Variants in FAM53B observed in about 807,000 individuals in gnomAD.
FAM53B encodes the protein protein FAM53B.
Under a neutral mutation model 32.7 loss-of-function variants are expected in FAM53B, and 12 were observed. That is an observed-to-expected ratio of 0.37 (90% CI 0.24 to 0.59). The LOEUF is 0.59. FAM53B is among the 20% of genes least tolerant of loss of function. FAM53B has a pLI of 0.72. For synonymous variants in FAM53B, 234 were observed against 228.7 expected (o/e 1.02, Z -0.21); for missense variants, 477 against 577.7 (o/e 0.83, Z 1.79).
intron 4 of FAM53B, among the ~76,000 whole-genome samples, chr10:124,664,321 G>C (rs1949654525): frequency 6.6e-6 from 1 of 152,192 alleles, no homozygotes; most frequent in Non-Finnish European, 1.5e-5. Flanking sequence ...CCCAGGCATG[G>C]GAAGTGGGCA....
At chr10:124,648,608 G>A (rs1474579754) in intron 4 of FAM53B, among the ~76,000 whole-genome samples, 2 of 152,272 alleles carry the variant, frequency 1.3e-5, no homozygotes, top group Non-Finnish European at 2.9e-5. Flanking sequence ...CAACAGCAGA[G>A]CCCTCCACCA....
chr10:124,677,724 A>G lies in FAM53B; in HGVS notation c.906+3883T>C, dbSNP rs1036137162. ...AAGACAATCTGAAAGCAATATCTAC[A>G]CCCCACCCTGTGTGTCTCATCCCCG... On this transcript the variant is annotated intron_variant, in intron 4 of 4. Transcript: ENST00000337318. Among the ~76,000 whole-genome samples, 30 of 151,760 alleles carry G rather than the reference A, an allele frequency of 2.0e-4. 1 individual carries two copies. The highest frequency in any genetic ancestry group is 6.5e-4 in the African/African-American group (27 of 41,256).
intron 1 of FAM53B, among the ~76,000 whole-genome samples, chr10:124,712,671 C>G (rs1950012369): frequency 1.3e-5 from 2 of 152,176 alleles, no homozygotes; most frequent in Non-Finnish European, 2.9e-5. Flanking sequence ...GGCCTCCAGC[C>G]TGCTTCCATA....
chr10:124,691,908 TGA>T (rs1347186145), intron 3 of FAM53B, among the ~76,000 whole-genome samples: 1 of 152,102 alleles, frequency 6.6e-6, no homozygotes, highest in Non-Finnish European at 1.5e-5. Flanking sequence ...CCACTAGAAA[TGA>T]GAGCCAGGAG....
intron 4 of FAM53B, among the ~76,000 whole-genome samples, chr10:124,667,665 C>T (rs1399036365): frequency 6.6e-6 from 1 of 152,220 alleles, no homozygotes; most frequent in Non-Finnish European, 1.5e-5. Flanking sequence ...CCCAGCCCCG[C>T]CCGGGGTCAC....
At chr10:124,673,413 C>G (rs938604149) in intron 4 of FAM53B, among the ~76,000 whole-genome samples, 7 of 152,186 alleles carry the variant, frequency 4.6e-5, no homozygotes, top group Admixed American at 4.6e-4. Flanking sequence ...GAACTTGCCT[C>G]GGAAACGTTC....
At chr10:124,728,474 A>C (rs1950121747) in intron 1 of FAM53B, among the ~76,000 whole-genome samples, 1 of 152,018 alleles carries the variant, frequency 6.6e-6, no homozygotes, top group South Asian at 2.1e-4. Context: ...TTTCCATGCC[A>C]AATACTTCTA....
At chr10:124,729,424 T>G (rs1446163083) in intron 1 of FAM53B, among the ~76,000 whole-genome samples, 2 of 152,194 alleles carry the variant, frequency 1.3e-5, no homozygotes, top group African/African-American at 2.4e-5. Flanking sequence ...TACGACCTCT[T>G]AAACACAACT....
intron 1 of FAM53B, among the ~76,000 whole-genome samples, chr10:124,728,752 T>C (rs938319014): frequency 6.6e-6 from 1 of 152,174 alleles, no homozygotes; most frequent in Non-Finnish European, 1.5e-5. Flanking sequence ...CTTGATGGAG[T>C]TGGTTTTCTT....
chr10:124,729,399 A>G (rs201337822), intron 1 of FAM53B, among the ~76,000 whole-genome samples: 2 of 152,180 alleles, frequency 1.3e-5, no homozygotes, highest in East Asian at 1.9e-4. Context: ...GCATGTGGGG[A>G]AAAAATTTTC....
At chr10:124,742,230 T>C (rs1328287213) in intron 1 of FAM53B, among the ~76,000 whole-genome samples, 1 of 152,188 alleles carries the variant, frequency 6.6e-6, no homozygotes. Flanking sequence ...CTACCAATCC[T>C]GAGCCAAACC....
At chr10:124,711,751 CA>C (rs1163836845) in intron 1 of FAM53B, among the ~76,000 whole-genome samples, 7 of 152,280 alleles carry the variant, frequency 4.6e-5, no homozygotes, top group African/African-American at 1.4e-4. Flanking sequence ...TCAGTTTCCT[CA>C]TCTTTAAAAT....
chr10:124,700,854 G>A (rs1391085761), intron 2 of FAM53B, among the ~76,000 whole-genome samples: 3 of 152,166 alleles, frequency 2.0e-5, no homozygotes, highest in African/African-American at 7.2e-5. Context: ...GGGGAGGCTC[G>A]CGCTCATGCC....
At chr10:124,688,622 G>A (rs2134073006) in intron 3 of FAM53B, among the ~76,000 whole-genome samples, 1 of 152,340 alleles carries the variant, frequency 6.6e-6, no homozygotes, top group Non-Finnish European at 1.5e-5. Flanking sequence ...ACAGGAGAAT[G>A]AGTTGCCTAC....
chr10:124,725,482 C>G (rs529984652), intron 1 of FAM53B, among the ~76,000 whole-genome samples: 20 of 152,360 alleles, frequency 1.3e-4, no homozygotes, highest in Admixed American at 5.9e-4. Flanking sequence ...CTTGGACTGA[C>G]GGCAGTGAGT....
intron 1 of FAM53B, among the ~76,000 whole-genome samples, chr10:124,729,034 GC>G (rs1213242561): frequency 3.3e-5 from 5 of 152,238 alleles, no homozygotes; most frequent in African/African-American, 1.2e-4. Context: ...CCCCCAGCTG[GC>G]TGTGCAATGA....
At chr10:124,685,548 G>A (rs774047653) in intron 3 of FAM53B, among the ~76,000 whole-genome samples, 2 of 152,256 alleles carry the variant, frequency 1.3e-5, no homozygotes, top group African/African-American at 2.4e-5. Context: ...ACAGAGCAGC[G>A]AGGGTGGCCG....
intron 1 of FAM53B, among the ~76,000 whole-genome samples, chr10:124,707,341 G>A (rs1949967695): frequency 6.6e-6 from 1 of 152,190 alleles, no homozygotes; most frequent in South Asian, 2.1e-4. Context: ...CGGCCCTCAG[G>A]CAGCCAACTG....
intron 2 of FAM53B, among the ~76,000 whole-genome samples, chr10:124,700,815 C>T (rs1183557552): frequency 2.0e-5 from 3 of 152,230 alleles, no homozygotes; most frequent in Non-Finnish European, 4.4e-5. Flanking sequence ...TCTCCTGACA[C>T]GGTGTTACAG....
Sources: gnomAD v4.1 joint callset for allele counts (sites outside exome capture counted in the v4.1 genomes callset) on GRCh38, gnomAD v4.1.1 for gene constraint, MANE v1.5 for transcripts, NCBI Gene and HGNC (gene_info 2026-07-23, HGNC 2026-07-21) for gene names.